The following YPEL1 variants were observed in gnomAD, a reference collection of about 807,000 sequenced individuals.
The protein encoded by YPEL1 is yippee like 1.
YPEL1 carries 7 observed loss-of-function variants against 17.3 expected under a neutral mutation model. The ratio of observed to expected loss-of-function variants is 0.40; its 90% CI spans 0.23 to 0.76. The LOEUF is 0.76. Among genes scored for constraint, YPEL1 ranks in the 30% least tolerant of loss-of-function variants. The probability of loss-of-function intolerance (pLI) is 0.35; values close to 1 mark genes in which losing one functional copy is unlikely to be tolerated. For synonymous variants in YPEL1, 59 were observed against 59.6 expected, an observed-to-expected ratio of 0.99 and a Z score of 0.05; for missense variants, 91 against 155.5, an observed-to-expected ratio of 0.59 and a Z score of 2.21.
At chr22:21,728,009 G>A (rs939208113) in intron 1 of YPEL1, among the ~76,000 whole-genome samples, 1 of 152,346 alleles carries the variant, frequency 6.6e-6, no homozygotes, top group East Asian at 1.9e-4. Context: ...TGGGCGTGGC[G>A]ATGAAGGGGC....
chr22:21,729,205 G>T (rs992791794), intron 1 of YPEL1, among the ~76,000 whole-genome samples: 4 of 152,076 alleles, frequency 2.6e-5, no homozygotes, highest in Non-Finnish European at 5.9e-5. Flanking sequence ...CAGCTACTTG[G>T]AAGGCTAAGG....
chr22:21,703,546 C>T lies in YPEL1; in HGVS notation c.162-68G>A, dbSNP rs2068086007. 9 of 1,413,608 alleles carry T rather than the reference C, an allele frequency of 6.4e-6. No individual in the cohort carries two copies. The highest frequency in any genetic ancestry group is 4.6e-5 in the East Asian group (2 of 43,540). 87.6% of individuals were successfully genotyped at this position (1,413,608 alleles called of 1,614,324 possible). A position where few individuals can be genotyped will look rare whatever the true frequency, so the allele number is the denominator to read the frequency against. On this transcript the variant is annotated intron_variant, in intron 3 of 4. Transcript: ENST00000339468. This position sits in a 1 kb window ranked among gnomAD's most constrained non-coding sequence, Gnocchi z 6.1. ...CCCTGACCAGGCCCTGCCCCCTCAG[C>T]GGGCCCCACCCCATCCTCCTAAGAG...
chr22:21,708,828 G>A lies in YPEL1; in HGVS notation c.117+1800C>T, dbSNP rs547932926. On this transcript the variant is annotated intron_variant, in intron 2 of 4. Coordinates refer to ENST00000339468, the MANE Select transcript of YPEL1 (RefSeq NM_013313.5). ...ATTACAGGCATGTGCCACCACACCC[G>A]GCTAATTTTGTATTTTTTTTAGTAG... Among the ~76,000 whole-genome samples the A allele has an allele frequency of 4.7e-4, 71 of 151,698 alleles. 1 individual carries two copies. The highest frequency in any genetic ancestry group is 1.3e-3 in the African/African-American group (55 of 41,340).
At chr22:21,701,450 C>T (rs575026866) in intron 4 of YPEL1, among the ~76,000 whole-genome samples, 11 of 152,276 alleles carry the variant, frequency 7.2e-5, no homozygotes, top group Non-Finnish European at 1.3e-4. Flanking sequence ...GCTTCGGCAG[C>T]GCATATACTA....
At chr22:21,724,560 A>C (rs1413584648) in intron 1 of YPEL1, among the ~76,000 whole-genome samples, 1 of 110,918 alleles carries the variant, frequency 9.0e-6, no homozygotes, top group Non-Finnish European at 1.9e-5. Flanking sequence ...TAGTTCATTA[A>C]AAAATTTTTT....
chr22:21,702,288 G>C (rs1020595246), intron 4 of YPEL1, among the ~76,000 whole-genome samples: 1 of 152,142 alleles, frequency 6.6e-6, no homozygotes, highest in Non-Finnish European at 1.5e-5. Flanking sequence ...ACGGGTTTCT[G>C]GAAGTGGGGC....
chr22:21,699,578 C>G lies in YPEL1; in HGVS notation c.*1551G>C, dbSNP rs1225439715. On this transcript the variant is annotated 3_prime_UTR_variant, in exon 5 of 5. Transcript: ENST00000339468. Reference sequence around the variant, plus strand: ...GTTCAAGTGACATGGGACAGCACCACGCAGGGACGGGCAACGCGTCTAGCA... The same window carrying G: ...GTTCAAGTGACATGGGACAGCACCAGGCAGGGACGGGCAACGCGTCTAGCA... 1 of 152,608 alleles carries G rather than the reference C, an allele frequency of 6.6e-6. No individual in the cohort carries two copies. Among genetic ancestry groups the G allele is most frequent in the Non-Finnish European group, 1.5e-5 (1 of 68,052 alleles). 9.5% of individuals were successfully genotyped at this position (152,608 alleles called of 1,614,324 possible).
chr22:21,708,331 C>CTT (rs775485136), intron 2 of YPEL1, among the ~76,000 whole-genome samples: 3,759 of 102,128 alleles, frequency 0.037, 202 homozygotes, highest in South Asian at 0.049. Flanking sequence ...AGGCTTCTGC[C>CTT]TTTTTTTTTT....
At chr22:21,718,140 AAAAC>A (rs1181952651) in intron 1 of YPEL1, among the ~76,000 whole-genome samples, 3 of 150,498 alleles carry the variant, frequency 2.0e-5, no homozygotes, top group Admixed American at 1.3e-4. Flanking sequence ...AAAAAAAAAA[AAAAC>A]AAAAACAAAA....
intron 1 of YPEL1, among the ~76,000 whole-genome samples, chr22:21,713,246 C>A (rs189904579): frequency 6.6e-6 from 1 of 152,308 alleles, no homozygotes; most frequent in Admixed American, 6.5e-5. Context: ...TGGGCTCCAG[C>A]AATTCCACTG....
chr22:21,714,449 G>A (rs193060375), intron 1 of YPEL1, among the ~76,000 whole-genome samples: 2 of 152,312 alleles, frequency 1.3e-5, no homozygotes, highest in East Asian at 3.9e-4. Flanking sequence ...GATGCTGTGA[G>A]ACTTCTCTGC....
chr22:21,715,194 T>C (rs1320281305), intron 1 of YPEL1, among the ~76,000 whole-genome samples: 2 of 152,126 alleles, frequency 1.3e-5, no homozygotes. Context: ...AAAGTGTAAC[T>C]AGACAAAAAA....
At chr22:21,724,228 T>C (rs1403065128) in intron 1 of YPEL1, among the ~76,000 whole-genome samples, 1 of 152,124 alleles carries the variant, frequency 6.6e-6, no homozygotes, top group Non-Finnish European at 1.5e-5. Context: ...AATAATTTAG[T>C]ATTTTGTAAT....
In YPEL1 at chr22:21,703,816, C is replaced by T. The variant is rs778358864; in HGVS notation, c.161+23G>A. On this transcript the variant is annotated intron_variant, in intron 3 of 4. Transcript: ENST00000339468. The surrounding 1 kb of genome is among the most constrained non-coding windows in gnomAD (Gnocchi z 6.1). ...CGTCCCAGGGCCCGTGCCGCTCCCC[C>T]CGGGCTGAACCAGGGTACTCACACG... 6.2e-6 allele frequency: 10 copies of T among 1,607,222 alleles called. No homozygotes were observed. In the East Asian group the frequency reaches 9.0e-5, roughly 14 times the overall value.
Position 21,703,520 on chromosome 22 carries a change from C to T in YPEL1, c.162-42G>A. ...GCCACTGCGCTGCAGGCCCGGCCCG[C>T]CCCTGACCAGGCCCTGCCCCCTCAG... On this transcript the variant is annotated intron_variant, in intron 3 of 4. Coordinates refer to ENST00000339468, the MANE Select transcript of YPEL1 (RefSeq NM_013313.5). The surrounding 1 kb of genome is among the most constrained non-coding windows in gnomAD (Gnocchi z 6.1). 1 of 1,563,420 alleles carries T rather than the reference C, an allele frequency of 6.4e-7. No homozygotes were observed.
chr22:21,728,724 G>T (rs1158683890), intron 1 of YPEL1, among the ~76,000 whole-genome samples: 1 of 152,084 alleles, frequency 6.6e-6, no homozygotes, highest in East Asian at 1.9e-4. Flanking sequence ...TTTTTTAAAA[G>T]TTAGGCCAGG....
In YPEL1 at chr22:21,703,565, C is replaced by T; in HGVS notation, c.162-87G>A. On this transcript the variant is annotated intron_variant, in intron 3 of 4. Coordinates refer to ENST00000339468, the MANE Select transcript of YPEL1 (RefSeq NM_013313.5). This position sits in a 1 kb window ranked among gnomAD's most constrained non-coding sequence, Gnocchi z 6.1. ...CCTCAGCGGGCCCCACCCCATCCTC[C>T]TAAGAGTTCCCCCAAAACAGGGAAA... 8.0e-7 allele frequency: 1 copy of T among 1,251,010 alleles called. No individual in the cohort carries two copies. The highest frequency in any genetic ancestry group is 1.1e-6 in the Non-Finnish European group (1 of 875,872). The allele number at this position is 1,251,010 out of a possible 1,614,324, so 77.5% of individuals were successfully genotyped here. A position where few individuals can be genotyped will look rare whatever the true frequency, so the allele number is the denominator to read the frequency against.
intron 1 of YPEL1, among the ~76,000 whole-genome samples, chr22:21,734,814 G>A (rs1281166749): frequency 6.6e-6 from 1 of 152,168 alleles, no homozygotes; most frequent in East Asian, 1.9e-4. Flanking sequence ...CTAGTCTTGG[G>A]ACCTGAGTAG....
intron 2 of YPEL1, among the ~76,000 whole-genome samples, chr22:21,708,995 C>T (rs1010482922): frequency 5.9e-5 from 9 of 152,238 alleles, no homozygotes; most frequent in South Asian, 2.1e-4. Flanking sequence ...TAAAACAGCT[C>T]ATTGATGACC....
Sources: allele counts gnomAD v4.1 joint callset (sites outside exome capture counted in the v4.1 genomes callset), GRCh38; gene constraint gnomAD v4.1.1; non-coding constraint Gnocchi (gnomAD v3.1); transcripts MANE v1.5; gene names NCBI Gene and HGNC (gene_info 2026-07-23, HGNC 2026-07-21).